The following ARHGAP22 variants were observed in gnomAD, a reference collection of about 807,000 sequenced individuals.
ARHGAP22 encodes rho GTPase-activating protein 22.
A neutral mutation model predicts 59.1 loss-of-function variants in ARHGAP22; 48 were observed. That is an observed-to-expected ratio of 0.81 (90% CI 0.64 to 1.03). ARHGAP22 has a LOEUF of 1.03. Ranked by LOEUF, ARHGAP22 falls within the 50% of genes least tolerant of loss-of-function variation. ARHGAP22 has a pLI of 0.00. For missense variants in ARHGAP22, 1,015 were observed against 958.7 expected, an observed-to-expected ratio of 1.06 and a Z score of -0.78; for synonymous variants, 445 against 416.4, an observed-to-expected ratio of 1.07 and a Z score of -0.84.
chr10:48,588,177 C>G (rs1364031125), intron 1 of ARHGAP22, among the ~76,000 whole-genome samples: 1 of 151,458 alleles, frequency 6.6e-6, no homozygotes, highest in Admixed American at 6.6e-5. Context: ...GTATGGGGGG[C>G]CATGTTCACT....
intron 2 of ARHGAP22, among the ~76,000 whole-genome samples, chr10:48,580,929 A>T (rs1217423024): frequency 2.5e-4 from 4 of 15,918 alleles, no homozygotes; most frequent in African/African-American, 4.8e-4. Context: ...GATACAATCT[A>T]AAGTAAAAAA....
At chr10:48,439,017 C>A in the ARHGAP22 span, 2 of 152,138 alleles carry the variant, frequency 1.3e-5, no homozygotes, top group African/African-American at 4.8e-5. Flanking sequence ...AATTACGTGT[C>A]TCCCTGGACT....
intron 3 of ARHGAP22, chr10:48,524,030 G>T: frequency 6.8e-7 from 1 of 1,470,752 alleles, no homozygotes; most frequent in South Asian, 1.3e-5. Flanking sequence ...AGGGAGCGGG[G>T]CGCACGTGCG....
upstream of ARHGAP22, among the ~76,000 whole-genome samples, chr10:48,653,981 C>G (rs2062658846): frequency 1.3e-5 from 2 of 152,152 alleles, no homozygotes; most frequent in African/African-American, 2.4e-5. Context: ...ACTGGGTATC[C>G]TGTATTTTAT....
At chr10:48,493,482 GA>G in intron 3 of ARHGAP22, 1 of 1,536,064 alleles carries the variant, frequency 6.5e-7, no homozygotes, top group Non-Finnish European at 8.7e-7. Context: ...TGATGGGCCA[GA>G]AGGGCATGGT....
intron 1 of ARHGAP22, among the ~76,000 whole-genome samples, chr10:48,626,361 G>C (rs143086432): frequency 3.9e-5 from 6 of 152,126 alleles, no homozygotes; most frequent in African/African-American, 1.2e-4. Flanking sequence ...ACCTCATCAG[G>C]ACCAAGGACA....
intron 3 of ARHGAP22, among the ~76,000 whole-genome samples, chr10:48,542,349 G>C (rs2056035975): frequency 6.6e-6 from 1 of 152,206 alleles, no homozygotes; most frequent in Non-Finnish European, 1.5e-5. Flanking sequence ...CTCTTGAAGG[G>C]CTCTGCATTT....
chr10:48,646,662 C>T (rs1431485297), intron 1 of ARHGAP22, among the ~76,000 whole-genome samples: 1 of 152,162 alleles, frequency 6.6e-6, no homozygotes, highest in Non-Finnish European at 1.5e-5. Context: ...ACAACAACAA[C>T]AAAAACCCTT....
intron 3 of ARHGAP22, among the ~76,000 whole-genome samples, chr10:48,548,372 A>C (rs2056629667): frequency 6.6e-6 from 1 of 152,010 alleles, no homozygotes; most frequent in Admixed American, 6.5e-5. Flanking sequence ...ACGGTTACTC[A>C]CTAGAAAGAC....
At chr10:48,540,109 C>T (rs987777489) in intron 3 of ARHGAP22, among the ~76,000 whole-genome samples, 5 of 152,334 alleles carry the variant, frequency 3.3e-5, no homozygotes, top group Admixed American at 2.6e-4. Flanking sequence ...CATGACCCCA[C>T]AGGACAAATA....
intron 3 of ARHGAP22, among the ~76,000 whole-genome samples, chr10:48,505,275 G>A (rs929582367): frequency 7.2e-5 from 11 of 152,048 alleles, no homozygotes; most frequent in African/African-American, 1.7e-4. Context: ...GGCTGGTCTC[G>A]AACTCCTGAT....
chr10:48,450,673 C>A lies in ARHGAP22; in HGVS notation c.1456G>T (p.Val486Leu), dbSNP rs553270297. ...SGDRLKDSGSVQRLSTYDNVP... is the reference protein window; with the variant it reads ...SGDRLKDSGSLQRLSTYDNVP... ...TTGTCGTAGGTGGAGAGTCTCTGCA[C>A]GGAGCCCGAGTCCTTGAGCCGGTCT... Residue 486 changes from valine to leucine, a missense_variant, in exon 9 of 10, where the codon GTG becomes TTG. Physicochemically the swap from Val to Leu is conservative, Grantham distance 32. Transcript: ENST00000249601. 38 of 1,550,662 alleles carry A rather than the reference C, an allele frequency of 2.5e-5. No individual in the cohort carries two copies. The East Asian group carries it at 9.0e-4, about 37-fold the overall frequency.
At chr10:48,610,462 T>C (rs2060839925) in intron 1 of ARHGAP22, among the ~76,000 whole-genome samples, 1 of 152,148 alleles carries the variant, frequency 6.6e-6, no homozygotes, top group Non-Finnish European at 1.5e-5. Context: ...GGGCACTGCA[T>C]TGGCTCAGGC....
upstream of ARHGAP22, among the ~76,000 whole-genome samples, chr10:48,653,529 C>T (rs2062643831): frequency 6.6e-6 from 1 of 152,220 alleles, no homozygotes; most frequent in South Asian, 2.1e-4. Flanking sequence ...AGAACGGGGC[C>T]AAACTGAGCC....
At position 48,531,713 on chromosome 10, in the gene ARHGAP22, A is replaced by G. The variant is rs1166251722; in HGVS notation, c.322+23750T>C. 2.6e-5 allele frequency among the ~76,000 whole-genome samples: 4 copies of G among 151,890 alleles called. No homozygotes were observed. In the East Asian group the frequency reaches 7.7e-4, roughly 29 times the overall value. On this transcript the variant is annotated intron_variant, in intron 3 of 9. Transcript: ENST00000249601. ...TACAGAGAAGTGAAGTCATTTGCAC[A>G]AGGTCACAACAGCTAATTAGTGGTT...
chr10:48,466,601 G>A (rs2133896553), intron 4 of ARHGAP22: 1 of 145,904 alleles, frequency 6.9e-6, no homozygotes, highest in Non-Finnish European at 1.5e-5. Flanking sequence ...CGCAACAAGC[G>A]GGCAAGCGGC....
At chr10:48,632,797 G>T (rs2061672907) in intron 1 of ARHGAP22, among the ~76,000 whole-genome samples, 2 of 152,186 alleles carry the variant, frequency 1.3e-5, no homozygotes, top group African/African-American at 4.8e-5. Flanking sequence ...TGTGTCTGCA[G>T]ATGCCAGAGC....
chr10:48,455,091 G>A lies in ARHGAP22; in HGVS notation c.703C>T (p.Leu235=). 3 of 1,612,274 alleles carry A rather than the reference G, an allele frequency of 1.9e-6. No individual in the cohort carries two copies. The highest frequency in any genetic ancestry group is 1.7e-5 in the Admixed American group (1 of 59,978). ...HTVASLLKLY[L]RELPEPVVPF... is the part of the protein sequence containing the mutation. ...ACCACGGGCTCGGGGAGCTCCCGCA[G>A]GTACAGCTTCAGCAGGGAGGCCACC... is the stretch of plus-strand genomic sequence containing the variant. The change falls in exon 6 of 10, where the codon CTG becomes TTG. Residue 235 remains leucine (L), a synonymous_variant. Transcript: ENST00000249601.
At chr10:48,592,945 G>T (rs866473307) in intron 1 of ARHGAP22, among the ~76,000 whole-genome samples, 1 of 152,230 alleles carries the variant, frequency 6.6e-6, no homozygotes, top group Non-Finnish European at 1.5e-5. Flanking sequence ...TCCTGAGCTC[G>T]CTCAGAGCAA....
Sources: gnomAD v4.1 joint callset for allele counts (sites outside exome capture counted in the v4.1 genomes callset) on GRCh38, gnomAD v4.1.1 for gene constraint, MANE v1.5 for transcripts, NCBI Gene and HGNC (gene_info 2026-07-23, HGNC 2026-07-21) for gene names.